Variants in MTMR7 observed in about 807,000 individuals in gnomAD.
MTMR7 encodes the protein phosphatidylinositol-3-phosphate phosphatase MTMR7.
MTMR7 carries 76 observed loss-of-function variants against 81.2 expected under a neutral mutation model. The observed-to-expected ratio is 0.94, with a 90% CI of 0.78 to 1.13. The LOEUF (loss-of-function observed/expected upper bound fraction) is 1.13, where lower values mean the gene tolerates loss of function less well. Ranked by LOEUF, MTMR7 falls within the 50% of genes most tolerant of loss-of-function variation. The pLI, the probability that MTMR7 is intolerant of heterozygous loss-of-function variation, is 0.00. For missense variants in MTMR7, 1,044 were observed against 820.0 expected (o/e 1.27, Z -3.34); for synonymous variants, 372 against 289.8 (o/e 1.28, Z -2.88).
intron 4 of MTMR7, among the ~76,000 whole-genome samples, chr8:17,351,953 G>C (rs1403665638): frequency 6.6e-6 from 1 of 152,140 alleles, no homozygotes; most frequent in Non-Finnish European, 1.5e-5. Context: ...AGGAATTAAA[G>C]ACACAAGTAA....
rs1255694052 is a variant in MTMR7 at position 17,341,423 on chromosome 8, C to T, written c.672G>A (p.Gln224=). 2.5e-6 allele frequency: 4 copies of T among 1,614,222 alleles called. No individual in the cohort carries two copies. The highest frequency in any genetic ancestry group is 3.4e-6 in the Non-Finnish European group (4 of 1,180,044). Residue 224 remains glutamine, a synonymous_variant, in exon 6 of 14, where the codon CAG becomes CAA. Coordinates refer to ENST00000180173, the MANE Select transcript of MTMR7 (RefSeq NM_004686.5). The stretch of plus-strand genomic sequence containing the variant: ...TTCCTGGATTGGCTTTCCTAATGGC[C>T]TGGAGCATCTGCTCGTCCTCTAGGC... The part of the protein sequence containing the change: ...ARCLEDEQML[Q]AIRKANPGSD...
intron 1 of MTMR7, among the ~76,000 whole-genome samples, chr8:17,381,876 C>T (rs1365753265): frequency 6.6e-6 from 1 of 152,166 alleles, no homozygotes; most frequent in Admixed American, 6.5e-5. Context: ...AGTCAAGAGG[C>T]CTGGGCTCTG....
chr8:17,384,104 T>C (rs1291119308), intron 1 of MTMR7, among the ~76,000 whole-genome samples: 1 of 152,164 alleles, frequency 6.6e-6, no homozygotes, highest in Non-Finnish European at 1.5e-5. Flanking sequence ...TACATCTCAC[T>C]AGTTATTAAA....
intron 7 of MTMR7, chr8:17,326,253 A>G (rs1164310481): frequency 6.6e-6 from 1 of 152,166 alleles, no homozygotes; most frequent in Non-Finnish European, 1.5e-5. Context: ...TTGAGCTGAA[A>G]CAGGTTTCTC....
chr8:17,376,741 A>C (rs1563367114), intron 1 of MTMR7, among the ~76,000 whole-genome samples: 2 of 152,090 alleles, frequency 1.3e-5, no homozygotes, highest in Non-Finnish European at 2.9e-5. Flanking sequence ...ATCTTTTACC[A>C]TTGAGTTTCA....
chr8:17,314,819 G>T, intron 7 of MTMR7, among the ~76,000 whole-genome samples: 1 of 152,202 alleles, frequency 6.6e-6, no homozygotes, highest in East Asian at 1.9e-4. Context: ...GTCGGTGAAG[G>T]GACAGCCCTT....
intron 1 of MTMR7, among the ~76,000 whole-genome samples, chr8:17,406,650 T>C (rs73551398): frequency 0.046 from 7,052 of 152,186 alleles, 525 homozygotes; most frequent in African/African-American, 0.16. Context: ...TGAAATTCTA[T>C]CCAAGAGAAA....
intron 2 of MTMR7, 50 bp downstream of exon 2, chr8:17,373,068 T>G: frequency 6.2e-7 from 1 of 1,602,484 alleles, no homozygotes; most frequent in Non-Finnish European, 8.5e-7. Context: ...CAAACACTTT[T>G]TGCTTCAAAC....
At chr8:17,309,709 G>A (rs1563320636) in intron 9 of MTMR7, among the ~76,000 whole-genome samples, 1 of 152,120 alleles carries the variant, frequency 6.6e-6, no homozygotes, top group Non-Finnish European at 1.5e-5. Context: ...CTACTAGGAA[G>A]GAGACCCCAC....
intron 1 of MTMR7, among the ~76,000 whole-genome samples, chr8:17,373,866 A>G (rs571783423): frequency 6.6e-6 from 1 of 152,334 alleles, no homozygotes; most frequent in South Asian, 2.1e-4. Flanking sequence ...TTCTGGAAAC[A>G]ATTTTTACAA....
chr8:17,410,433 G>C (rs1821706576), intron 1 of MTMR7, among the ~76,000 whole-genome samples: 1 of 152,066 alleles, frequency 6.6e-6, no homozygotes, highest in South Asian at 2.1e-4. Context: ...AGCAGCACTT[G>C]AACCCAAATT....
intron 1 of MTMR7, among the ~76,000 whole-genome samples, chr8:17,395,823 C>G (rs1821229335): frequency 6.6e-6 from 1 of 152,058 alleles, no homozygotes; most frequent in African/African-American, 2.4e-5. Context: ...TATTTGTTTG[C>G]TTTTTTAAAC....
intron 4 of MTMR7, among the ~76,000 whole-genome samples, chr8:17,357,084 G>A (rs188465507): frequency 2.0e-4 from 30 of 152,092 alleles, no homozygotes; most frequent in Admixed American, 1.8e-3. Context: ...GAAAGAAAGA[G>A]GGAAGGATGA....
At position 17,413,340 on chromosome 8, in the gene MTMR7, C is replaced by T. The variant is rs1373068914; in HGVS notation, c.-48G>A. 8.0e-6 allele frequency: 12 copies of T among 1,502,456 alleles called. No homozygotes were observed. The African/African-American group carries it at 1.6e-4, about 20-fold the overall frequency. 93.1% of individuals were successfully genotyped at this position (1,502,456 alleles called of 1,614,324 possible). ...CCCGGGCGGGCGCGGCCTCACGCAC[C>T]TGCGCGCCTCTGCGGCGCGATGGGA... On this transcript the variant is annotated 5_prime_UTR_variant, in exon 1 of 14. Transcript: ENST00000180173.
chr8:17,323,348 T>A (rs1818506484), intron 7 of MTMR7, among the ~76,000 whole-genome samples: 1 of 152,114 alleles, frequency 6.6e-6, no homozygotes, highest in Admixed American at 6.6e-5. Flanking sequence ...CCACTTTCCA[T>A]ATTATTTTCA....
chr8:17,401,185 T>C (rs1318074874), intron 1 of MTMR7, among the ~76,000 whole-genome samples: 1 of 152,088 alleles, frequency 6.6e-6, no homozygotes, highest in Non-Finnish European at 1.5e-5. Flanking sequence ...GTAAAGTATG[T>C]TGGTTGAGGT....
In MTMR7 at chr8:17,371,070, C is replaced by T. The variant is rs750025567; in HGVS notation, c.277G>A (p.Val93Met). 7.4e-6 allele frequency: 12 copies of T among 1,613,956 alleles called. No individual in the cohort carries two copies. The highest frequency in any genetic ancestry group is 3.3e-5 in the Admixed American group (2 of 59,990). Residue 93 changes from valine to methionine, a missense_variant, in exon 3 of 14, where the codon GTG becomes ATG. Coordinates refer to ENST00000180173, the MANE Select transcript of MTMR7 (RefSeq NM_004686.5). ...IIPQERDCHD[V>M]YISLIRLARP... The stretch of plus-strand genomic sequence containing the variant: ...GCAAGGCGTATCAGGGAGATGTACA[C>T]GTCGTGGCAATCTCTTTCCTGAGGT...
intron 1 of MTMR7, among the ~76,000 whole-genome samples, chr8:17,396,420 G>C (rs568336229): frequency 2.0e-5 from 3 of 152,306 alleles, no homozygotes; most frequent in East Asian, 1.9e-4. Context: ...CGTGGAAAAA[G>C]AATCTGTGCA....
chr8:17,331,024 A>C, intron 7 of MTMR7, 126 bp downstream of exon 7: 1 of 1,148,100 alleles, frequency 8.7e-7, no homozygotes, highest in Non-Finnish European at 1.2e-6. Context: ...AAGCCACTGT[A>C]ACATGATATT....
Sources: allele counts gnomAD v4.1 joint callset (sites outside exome capture counted in the v4.1 genomes callset), GRCh38; gene constraint gnomAD v4.1.1; transcripts MANE v1.5; gene names NCBI Gene and HGNC (gene_info 2026-07-23, HGNC 2026-07-21).